The following ADGB variants were observed in gnomAD, a reference collection of about 807,000 sequenced individuals.
ADGB encodes calpain-7-like protein.
In ADGB, 172 loss-of-function variants were observed where a neutral mutation model predicts 210.5. The ratio of observed to expected loss-of-function variants is 0.82; its 90% CI spans 0.72 to 0.93. The LOEUF (loss-of-function observed/expected upper bound fraction) is 0.93. ADGB is among the 40% of genes least tolerant of loss of function. ADGB has a pLI of 0.00. For synonymous variants in ADGB, 658 were observed against 662.7 expected (o/e 0.99, Z 0.11); for missense variants, 2,025 against 1,964.8 (o/e 1.03, Z -0.58).
At chr6:146,675,422 C>G (rs1776071444) in intron 8 of ADGB, among the ~76,000 whole-genome samples, 1 of 151,904 alleles carries the variant, frequency 6.6e-6, no homozygotes, top group African/African-American at 2.4e-5. Flanking sequence ...CTGCAGTGAG[C>G]TGAGACCTCG....
At chr6:146,803,230 T>C (rs1778158650) in intron 35 of ADGB, 5 of 1,557,332 alleles carry the variant, frequency 3.2e-6, no homozygotes, top group African/African-American at 2.7e-5. Flanking sequence ...ATATTCCTGC[T>C]GAACAAAACT....
rs71031008 is a variant in ADGB at position 146,738,438 on chromosome 6, CTTTTTTTTTTTT to C, written c.2888+1866_2888+1877del. On this transcript the variant is annotated intron_variant, in intron 23 of 35. Transcript: ENST00000397944. ...GAATCCCATTCGAATCCCATTTCAT[CTTTTTTTTTTTT>C]TTTTTTTTTTTTTTTTTTAGATGGA... is the stretch of plus-strand genomic sequence containing the variant. Among the ~76,000 whole-genome samples the C allele has an allele frequency of 7.2e-3, 513 of 71,404 alleles. 3 individuals carry two copies. The highest frequency in any genetic ancestry group is 0.023 in the African/African-American group (466 of 20,392). The allele number at this position is 71,404 out of a possible 152,430, so 46.8% of individuals were successfully genotyped here. A position where few individuals can be genotyped will look rare whatever the true frequency, so the allele number is the denominator to read the frequency against.
At chr6:146,709,139 G>A (rs898260274) in intron 13 of ADGB, among the ~76,000 whole-genome samples, 2 of 152,002 alleles carry the variant, frequency 1.3e-5, no homozygotes, top group African/African-American at 4.8e-5. Context: ...ACTTAATTGT[G>A]TTTTGCTATT....
At chr6:146,808,953 T>C (rs1202950618) in intron 35 of ADGB, among the ~76,000 whole-genome samples, 2 of 151,994 alleles carry the variant, frequency 1.3e-5, no homozygotes, top group African/African-American at 2.4e-5. Flanking sequence ...ATTGCGATCG[T>C]GGAGGCCGCG....
intron 19 of ADGB, 61 bp from the exon 20 acceptor site, chr6:146,728,513 T>C: frequency 1.4e-6 from 2 of 1,411,132 alleles, no homozygotes; most frequent in African/African-American, 1.4e-5. Flanking sequence ...GATATTAATT[T>C]GTATAAACTA....
At chr6:146,808,201 T>A (rs960231874) in intron 35 of ADGB, among the ~76,000 whole-genome samples, 1 of 152,150 alleles carries the variant, frequency 6.6e-6, no homozygotes, top group Non-Finnish European at 1.5e-5. Context: ...GGTTTCACCA[T>A]GTTGGCCAGG....
rs1562263811 is a variant in ADGB, at chr6:146,647,115, A to AAAC, written c.330+2252_330+2253insCAA. Among the ~76,000 whole-genome samples the AAAC allele has an allele frequency of 2.2e-4, 32 of 148,018 alleles. 1 individual carries two copies. The highest frequency in any genetic ancestry group is 6.9e-4 in the African/African-American group (27 of 39,034). On this transcript the variant is annotated intron_variant, in intron 3 of 35. Transcript: ENST00000397944. ...AAAAAAAACAAAAAACAAAAAACAA[A>AAAC]AAACAAACAAACAAACAAAAACACA...
At chr6:146,654,582 G>T (rs1775753695) in intron 4 of ADGB, among the ~76,000 whole-genome samples, 1 of 151,888 alleles carries the variant, frequency 6.6e-6, no homozygotes, top group Admixed American at 6.6e-5. Context: ...TGAACTCCTG[G>T]GCTCAAGCAG....
At position 146,728,610 on chromosome 6, in the gene ADGB, A is replaced by G; in HGVS notation, c.2389A>G (p.Met797Val). 6.4e-7 allele frequency: 1 copy of G among 1,551,652 alleles called. No individual in the cohort carries two copies. Among genetic ancestry groups the G allele is most frequent in the South Asian group, 1.2e-5 (1 of 84,052 alleles). ...CRFTEQSLLI[M>V]KAIGNVIANF... ...ATTTACGGAACAGTCTCTGTTGATT[A>G]TGAAAGCTATTGGAAATGTGATTGC... The change falls in exon 20 of 36, where the codon ATG becomes GTG. Residue 797 changes from methionine to valine, a missense_variant. Met to Val is a conservative substitution (Grantham distance 21). Coordinates refer to ENST00000397944, the MANE Select transcript of ADGB (RefSeq NM_024694.4).
intron 17 of ADGB, among the ~76,000 whole-genome samples, chr6:146,722,152 A>C (rs1285235649): frequency 6.6e-6 from 1 of 152,132 alleles, no homozygotes; most frequent in Non-Finnish European, 1.5e-5. Flanking sequence ...ACATTCCAAC[A>C]ATCTTTTCCT....
At chr6:146,807,653 G>A in intron 35 of ADGB, 1 of 1,277,698 alleles carries the variant, frequency 7.8e-7, no homozygotes, top group Admixed American at 2.9e-5. Flanking sequence ...ATCTTTAACT[G>A]CCTGCTGATA....
chr6:146,738,890 A>G (rs770766483), intron 23 of ADGB, among the ~76,000 whole-genome samples: 13 of 152,094 alleles, frequency 8.5e-5, no homozygotes, highest in Non-Finnish European at 1.8e-4. Context: ...CTTGCACCCA[A>G]TTTTCTTGCA....
At chr6:146,803,606 TATC>T in intron 35 of ADGB, 1 of 1,352,548 alleles carries the variant, frequency 7.4e-7, no homozygotes, top group Non-Finnish European at 1.1e-6. Context: ...TTCATGTTCT[TATC>T]AGTGAAATTA....
At chr6:146,714,486 C>T (rs1200929164) in intron 13 of ADGB, among the ~76,000 whole-genome samples, 1 of 152,190 alleles carries the variant, frequency 6.6e-6, no homozygotes, top group Non-Finnish European at 1.5e-5. Context: ...GTTGTCTGTA[C>T]AGTAGACTCT....
At chr6:146,618,404 TA>T (rs1160336792) in intron 1 of ADGB, among the ~76,000 whole-genome samples, 1 of 152,028 alleles carries the variant, frequency 6.6e-6, no homozygotes, top group Admixed American at 6.6e-5. Context: ...TTTCTTCCAC[TA>T]ATGTTGTGTT....
chr6:146,786,178 T>C, intron 32 of ADGB, among the ~76,000 whole-genome samples: 1 of 147,500 alleles, frequency 6.8e-6, no homozygotes. Flanking sequence ...TATATATATA[T>C]TTAAGTATAT....
At chr6:146,791,062 G>A (rs1467146901) in intron 33 of ADGB, among the ~76,000 whole-genome samples, 1 of 152,040 alleles carries the variant, frequency 6.6e-6, no homozygotes, top group Non-Finnish European at 1.5e-5. Context: ...TTATTGAGTA[G>A]CTTAAGTTCC....
At position 146,763,956 on chromosome 6, in the gene ADGB, T is replaced by G; in HGVS notation, c.3606T>G (p.Tyr1202Ter). The part of the protein sequence containing the change: ...HSASKKEQEV[Y>*]VKKKAAQGIQ... ...CATCCAAGAAAGAGCAAGAAGTGTA[T>G]GTTAAGAAGAAAGCTGCTCAGGGAA... Residue 1202 changes from tyrosine to a stop codon, truncating the protein, a stop_gained, in exon 28 of 36, where the codon TAT (tyrosine) becomes TAG (stop). Transcript: ENST00000397944. LOFTEE classifies it high-confidence loss of function. 6.4e-7 allele frequency: 1 copy of G among 1,551,470 alleles called. No homozygotes were observed. Among genetic ancestry groups the G allele is most frequent in the South Asian group, 1.2e-5 (1 of 84,054 alleles).
intron 8 of ADGB, among the ~76,000 whole-genome samples, chr6:146,672,708 T>C: frequency 6.8e-6 from 1 of 147,022 alleles, no homozygotes; most frequent in Middle Eastern, 3.4e-3. Flanking sequence ...GGTGCTGTCT[T>C]TGTTTTCAGT....
Sources: gnomAD v4.1 joint callset for allele counts (sites outside exome capture counted in the v4.1 genomes callset) on GRCh38, gnomAD v4.1.1 for gene constraint, MANE v1.5 for transcripts, NCBI Gene and HGNC (gene_info 2026-07-23, HGNC 2026-07-21) for gene names.